HSPA9: variants seen among roughly 807,000 people sequenced by gnomAD.
The protein encoded by HSPA9 is heat shock protein family A (Hsp70) member 9, also known as stress-70 protein, mitochondrial.
Under a neutral mutation model 81.5 loss-of-function variants are expected in HSPA9, and 28 were observed. That is an observed-to-expected ratio of 0.34 (90% CI 0.25 to 0.47). HSPA9 has a LOEUF of 0.47. HSPA9 is among the 20% of genes least tolerant of loss of function. The pLI, the probability that HSPA9 is intolerant of heterozygous loss-of-function variation, is 1.00. For missense variants in HSPA9, 678 were observed against 838.0 expected (o/e 0.81, Z 2.36); for synonymous variants, 293 against 290.4 (o/e 1.01, Z -0.09).
intron 1 of HSPA9, 36 bp downstream of exon 1, chr5:138,575,202 G>A (rs367769416): frequency 3.4e-6 from 5 of 1,482,546 alleles, no homozygotes; most frequent in African/African-American, 1.4e-5. Flanking sequence ...AAGGCCCGAG[G>A]CCGTGACCCC....
intron 3 of HSPA9, among the ~76,000 whole-genome samples, chr5:138,571,747 A>G (rs1000842358): frequency 3.3e-5 from 5 of 149,594 alleles, no homozygotes; most frequent in Middle Eastern, 3.3e-3. Flanking sequence ...CCTGGGTTCA[A>G]TTCTCCTACT....
At position 138,556,164 on chromosome 5, in the gene HSPA9, C is replaced by G. The variant is rs750061854; in HGVS notation, c.1963-50G>C. ...ACTCAGATTTAACGTTAGAGCTAAC[C>G]ATTTGCTCTTTGTTGCACTCCAAGA... is the stretch of plus-strand genomic sequence containing the variant. On this transcript the variant is annotated intron_variant, in intron 16 of 16. Transcript: ENST00000297185. 8 of 1,465,222 alleles carry G rather than the reference C, an allele frequency of 5.5e-6. No homozygotes were observed. The South Asian group carries it at 7.9e-5, about 15-fold the overall frequency. The allele number at this position is 1,465,222 out of a possible 1,614,324, so 90.8% of individuals were successfully genotyped here.
rs528617117 is a variant in HSPA9 at position 138,558,039 on chromosome 5, A to G, written c.1516-53T>C. 1.1e-5 allele frequency: 12 copies of G among 1,118,368 alleles called. No homozygotes were observed. The East Asian group carries it at 2.6e-4, about 24-fold the overall frequency. 69.3% of individuals were successfully genotyped at this position (1,118,368 alleles called of 1,614,324 possible). A position where few individuals can be genotyped will look rare whatever the true frequency, so the allele number is the denominator to read the frequency against. ...TCCTCTTACAGAGGGGTCCAGTGCT[A>G]TTATTTCCAAATCTATATGGTTTTC... On this transcript the variant is annotated intron_variant, in intron 12 of 16. Transcript: ENST00000297185.
In HSPA9 at chr5:138,565,025, G is replaced by A. The variant is rs41295723; in HGVS notation, c.972+1601C>T. On this transcript the variant is annotated intron_variant, in intron 9 of 16. Coordinates refer to ENST00000297185, the MANE Select transcript of HSPA9 (RefSeq NM_004134.7). Reference sequence around the variant, plus strand: ...CAAACCACAATATAATCTGCATGAGGGTAATAAACGCTAAGAATTTATTCT... The same window carrying A: ...CAAACCACAATATAATCTGCATGAGAGTAATAAACGCTAAGAATTTATTCT... 9.2e-3 allele frequency among the ~76,000 whole-genome samples: 1,406 copies of A among 152,156 alleles called. 29 individuals carry two copies. Among genetic ancestry groups the A allele is most frequent in the African/African-American group, 0.032 (1,338 of 41,500 alleles).
In HSPA9 at chr5:138,566,903, G is replaced by C. The variant is rs140372635; in HGVS notation, c.879+98C>G. The C allele has an allele frequency of 2.1e-3, 2,730 of 1,298,426 alleles. 24 individuals are homozygous for C. Among genetic ancestry groups the C allele is most frequent in the Middle Eastern group, 0.013 (68 of 5,086 alleles). 80.4% of individuals were successfully genotyped at this position (1,298,426 alleles called of 1,614,324 possible). On this transcript the variant is annotated intron_variant, in intron 8 of 16. Coordinates refer to ENST00000297185, the MANE Select transcript of HSPA9 (RefSeq NM_004134.7). ...AAAAGAGTATCTGTGTCTAGAATAA[G>C]GGGGTTGAACTGAACTCGTAAACAA...
Position 138,575,070 on chromosome 5 carries a change from G to A in HSPA9, c.81+168C>T, listed in dbSNP as rs191678628. On this transcript the variant is annotated intron_variant, in intron 1 of 16. Coordinates refer to ENST00000297185, the MANE Select transcript of HSPA9 (RefSeq NM_004134.7). Reference sequence around the variant, plus strand: ...GCCCAAGCCGGAGGCAAAACCTTGGGCAAAATCTTGACCCGGCAGCGCTAA... The same window carrying A: ...GCCCAAGCCGGAGGCAAAACCTTGGACAAAATCTTGACCCGGCAGCGCTAA... The A allele has an allele frequency of 4.3e-5, 27 of 620,934 alleles. No individual in the cohort carries two copies. The African/African-American group carries it at 4.8e-4, about 11-fold the overall frequency. 38.5% of individuals were successfully genotyped at this position (620,934 alleles called of 1,614,324 possible).
At chr5:138,566,741 A>C (rs753673172) in intron 8 of HSPA9, 23 bp from the exon 9 acceptor site, 4 of 1,544,466 alleles carry the variant, frequency 2.6e-6, no homozygotes, top group Non-Finnish European at 3.6e-6. Flanking sequence ...GACATTGAAC[A>C]CCAAACACCA....
chr5:138,556,687 C>G, intron 15 of HSPA9, 87 bp downstream of exon 15: 2 of 1,552,772 alleles, frequency 1.3e-6, no homozygotes, highest in South Asian at 2.2e-5. Context: ...ATAATTAAAC[C>G]CCTATCAAAA....
At chr5:138,563,997 C>T (rs984990477) in intron 9 of HSPA9, among the ~76,000 whole-genome samples, 1 of 152,254 alleles carries the variant, frequency 6.6e-6, no homozygotes, top group Non-Finnish European at 1.5e-5. Flanking sequence ...TAACCCATTA[C>T]ACATGCCCAT....
intron 10 of HSPA9, chr5:138,561,174 C>A: frequency 2.4e-6 from 1 of 423,814 alleles, no homozygotes; most frequent in Non-Finnish European, 4.9e-6. Flanking sequence ...TGGCCGGGGG[C>A]GGGGTATTAC....
chr5:138,571,568 G>A (rs529517569), intron 3 of HSPA9, among the ~76,000 whole-genome samples: 7 of 152,154 alleles, frequency 4.6e-5, no homozygotes, highest in African/African-American at 9.6e-5. Context: ...CAATACTACC[G>A]GGCATGCTTT....
chr5:138,573,434 C>T (rs879670526), intron 3 of HSPA9, among the ~76,000 whole-genome samples: 11 of 151,880 alleles, frequency 7.2e-5, no homozygotes, highest in Admixed American at 3.9e-4. Context: ...CCAACGTGGG[C>T]GGATCACTTG....
Position 138,571,149 on chromosome 5 carries a change from C to G in HSPA9, c.229-8G>C. 1 of 1,612,978 alleles carries G rather than the reference C, an allele frequency of 6.2e-7. No individual in the cohort carries two copies. The highest frequency in any genetic ancestry group is 1.1e-5 in the South Asian group (1 of 91,034). ...TTCGGCATTCTCCAGCACCTAAACT[C>G]CCAAAATGTGATAGAGAGTAAGTTT... On this transcript the variant is annotated splice_region_variant and splice_polypyrimidine_tract_variant and intron_variant, in intron 3 of 16. Transcript: ENST00000297185.
intron 3 of HSPA9, among the ~76,000 whole-genome samples, chr5:138,572,461 T>G (rs1750926957): frequency 6.6e-6 from 1 of 152,214 alleles, no homozygotes; most frequent in Non-Finnish European, 1.5e-5. Flanking sequence ...AAGTTGGGTG[T>G]GCAGAGACAG....
chr5:138,556,424 G>C (rs757593520), intron 16 of HSPA9, 28 bp downstream of exon 16: 1 of 1,610,394 alleles, frequency 6.2e-7, no homozygotes, highest in Admixed American at 1.7e-5. Context: ...GATCAAGTTA[G>C]AATCAAAATC....
chr5:138,554,785 G>C lies in HSPA9; in HGVS notation c.*1252C>G, dbSNP rs1389627318. On this transcript the variant is annotated 3_prime_UTR_variant, in exon 17 of 17. Transcript: ENST00000297185. ...AATCTTAACATTGAATAAAGATGTAGTTGCCTTTCTGCTCAGGTTGTCAGC... is the reference window on the plus strand; with the variant it reads ...AATCTTAACATTGAATAAAGATGTACTTGCCTTTCTGCTCAGGTTGTCAGC... 6.6e-6 allele frequency: 1 copy of C among 152,196 alleles called. No homozygotes were observed. The highest frequency in any genetic ancestry group is 1.9e-4 in the East Asian group (1 of 5,206). 9.4% of individuals were successfully genotyped at this position (152,196 alleles called of 1,614,324 possible).
intron 9 of HSPA9, 25 bp from the exon 10 acceptor site, chr5:138,561,814 T>C: frequency 1.3e-6 from 2 of 1,551,134 alleles, no homozygotes; most frequent in Non-Finnish European, 1.8e-6. Context: ...TTTAATTGCA[T>C]GTCAGCGAGC....
chr5:138,557,037 G>A, intron 14 of HSPA9, 171 bp from the exon 15 acceptor site: 1 of 660,172 alleles, frequency 1.5e-6, no homozygotes, highest in Non-Finnish European at 2.7e-6. Flanking sequence ...GAGAGATTTG[G>A]GCTAGATTTT....
rs145303368 is a variant in HSPA9 at position 138,567,459 on chromosome 5, T to C, written c.712A>G (p.Lys238Glu). The C allele has an allele frequency of 3.5e-5, 56 of 1,611,564 alleles. 1 individual carries two copies. In the South Asian group the frequency reaches 5.8e-4, roughly 17 times the overall value. The change falls in exon 7 of 17, where the codon AAA becomes GAA. Residue 238 changes from lysine to glutamate, a missense_variant. By Grantham distance (56) the Lys-to-Glu change is moderately conservative. Around this residue, in one of 4 missense-constraint regions of HSPA9, gnomAD observed 484 missense variants for 647.5 expected, o/e 0.75. Transcript: ENST00000297185. ...LAYGLDKSED[K>E]VIAVYDLGGG... is the part of the protein sequence containing the mutation. ...AAATTTACTGCACAAACTTACACTT[T>C]GTCTTCTGATTTGTCTAGACCATAG... is the stretch of plus-strand genomic sequence containing the variant.
Sources: allele counts gnomAD v4.1 joint callset (sites outside exome capture counted in the v4.1 genomes callset), GRCh38; gene constraint gnomAD v4.1.1; regional missense constraint gnomAD v4.1.1; transcripts MANE v1.5; gene names NCBI Gene and HGNC (gene_info 2026-07-23, HGNC 2026-07-21).